Variants in SDK1 observed in about 807,000 individuals in gnomAD.
SDK1 encodes the protein protein sidekick-1.
SDK1 carries 157 observed loss-of-function variants against 245.5 expected under a neutral mutation model. That is an observed-to-expected ratio of 0.64 (90% CI 0.56 to 0.73). The LOEUF is 0.73. Ranked by LOEUF, SDK1 falls within the 30% of genes least tolerant of loss-of-function variation. SDK1 has a pLI of 0.00. For synonymous variants in SDK1, 1,647 were observed against 1,278.5 expected, an observed-to-expected ratio of 1.29 and a Z score of -6.15; for missense variants, 3,583 against 3,002.3, an observed-to-expected ratio of 1.19 and a Z score of -4.52.
chr7:3,883,670 C>T (rs1267234073), intron 5 of SDK1, among the ~76,000 whole-genome samples: 2 of 151,522 alleles, frequency 1.3e-5, no homozygotes, highest in East Asian at 1.9e-4. Flanking sequence ...AACCTAGAGT[C>T]GTCCTCTGGA....
chr7:3,952,626 A>T (rs1780926422), intron 7 of SDK1, among the ~76,000 whole-genome samples: 2 of 152,124 alleles, frequency 1.3e-5, no homozygotes, highest in Non-Finnish European at 2.9e-5. Flanking sequence ...ATTAATTATT[A>T]ATTTAGCTGT....
At chr7:3,619,550 G>A (rs1781870499) in intron 2 of SDK1, among the ~76,000 whole-genome samples, 1 of 152,174 alleles carries the variant, frequency 6.6e-6, no homozygotes, top group African/African-American at 2.4e-5. Context: ...TACTTTCCAA[G>A]GGCAACAGCC....
intron 1 of SDK1, among the ~76,000 whole-genome samples, chr7:3,607,200 G>C (rs934038285): frequency 2.0e-5 from 3 of 151,696 alleles, no homozygotes; most frequent in African/African-American, 7.3e-5. Flanking sequence ...TGCTGCTGCT[G>C]ATCATTTCCT....
In SDK1 at chr7:3,901,491, A is replaced by AC. The variant is rs1413241711; in HGVS notation, c.848-49428dup. ...ATGAGCCAAGTTAACTATCGTAATGACCCCATGTCCTTGTCAGTGCACCAC... is the reference window on the plus strand; with the variant it reads ...ATGAGCCAAGTTAACTATCGTAATGACCCCCATGTCCTTGTCAGTGCACCAC... On this transcript the variant is annotated intron_variant, in intron 5 of 44. Coordinates refer to ENST00000404826, the MANE Select transcript of SDK1 (RefSeq NM_152744.4). Among the ~76,000 whole-genome samples the AC allele has an allele frequency of 2.6e-5, 4 of 151,948 alleles. No homozygotes were observed. The East Asian group carries it at 7.7e-4, about 29-fold the overall frequency.
chr7:3,930,449 C>A (rs1202461421), intron 5 of SDK1, among the ~76,000 whole-genome samples: 1 of 152,168 alleles, frequency 6.6e-6, no homozygotes, highest in African/African-American at 2.4e-5. Context: ...GAAGCACTGA[C>A]ATGGAAGAGG....
At chr7:3,964,755 A>C (rs894198568) in intron 9 of SDK1, among the ~76,000 whole-genome samples, 1 of 152,122 alleles carries the variant, frequency 6.6e-6, no homozygotes, top group African/African-American at 2.4e-5. Flanking sequence ...TGTTGGAGAG[A>C]GCAAATCAGT....
rs1277698192 is a variant in SDK1, at chr7:3,967,319, T to G, written c.1431T>G (p.Asn477Lys). 1.9e-6 allele frequency: 3 copies of G among 1,611,642 alleles called. No homozygotes were observed. Among genetic ancestry groups the G allele is most frequent in the Non-Finnish European group, 2.5e-6 (3 of 1,177,676 alleles). Residue 477 changes from asparagine to lysine, a missense_variant and splice_region_variant, in exon 10 of 45, where the codon AAT becomes AAG. Asn to Lys is a moderately conservative substitution (Grantham distance 94). Transcript: ENST00000404826. ...IQTHTYLDVT[N>K]IAPVFTQRPV... ...CATTTCATTTACTCCTCTTCTCAGA[T>G]ATCGCTCCAGTGTTCACCCAGCGGC...
At chr7:4,060,764 T>C (rs890301009) in intron 19 of SDK1, among the ~76,000 whole-genome samples, 2 of 152,246 alleles carry the variant, frequency 1.3e-5, no homozygotes, top group African/African-American at 2.4e-5. Context: ...CTAGGGTTTT[T>C]ATGGTTTTAG....
intron 1 of SDK1, among the ~76,000 whole-genome samples, chr7:3,575,052 T>G (rs940919422): frequency 1.3e-5 from 2 of 151,970 alleles, no homozygotes; most frequent in East Asian, 1.9e-4. Context: ...GAATGCCTCC[T>G]TTGCCTCTTA....
intron 1 of SDK1, among the ~76,000 whole-genome samples, chr7:3,513,642 A>C (rs1229851997): frequency 6.6e-6 from 1 of 152,192 alleles, no homozygotes; most frequent in African/African-American, 2.4e-5. Flanking sequence ...AATAATTTCA[A>C]CTTTTATTTT....
At chr7:4,176,486 G>T (rs1782220695) in intron 34 of SDK1, among the ~76,000 whole-genome samples, 1 of 152,062 alleles carries the variant, frequency 6.6e-6, no homozygotes, top group Admixed American at 6.5e-5. Flanking sequence ...TTTTATTGTG[G>T]TAAAATACAT....
At chr7:3,859,008 G>A (rs1158840383) in intron 5 of SDK1, among the ~76,000 whole-genome samples, 6 of 150,610 alleles carry the variant, frequency 4.0e-5, no homozygotes, top group Non-Finnish European at 7.4e-5. Flanking sequence ...GACCACAGGC[G>A]CCCGCCACCA....
chr7:4,044,096 A>AT (rs1788840353), intron 17 of SDK1, among the ~76,000 whole-genome samples: 1 of 152,124 alleles, frequency 6.6e-6, no homozygotes, highest in African/African-American at 2.4e-5. Context: ...ATATGTCATG[A>AT]TTTTGCGGGT....
intron 2 of SDK1, among the ~76,000 whole-genome samples, chr7:3,628,290 A>G (rs541363688): frequency 1.3e-5 from 2 of 152,198 alleles, no homozygotes; most frequent in Admixed American, 1.3e-4. Context: ...CTTTCTTTCA[A>G]GATAGAATCT....
intron 1 of SDK1, among the ~76,000 whole-genome samples, chr7:3,319,291 T>G (rs528793515): frequency 1.3e-5 from 2 of 152,258 alleles, no homozygotes; most frequent in South Asian, 4.1e-4. Context: ...ATGGCTCTCA[T>G]TTGACACAAG....
intron 1 of SDK1, among the ~76,000 whole-genome samples, chr7:3,507,028 C>T (rs1782416101): frequency 6.6e-6 from 1 of 152,086 alleles, no homozygotes; most frequent in African/African-American, 2.4e-5. Flanking sequence ...TTAGTCTCTT[C>T]AAGCCGGGGT....
intron 1 of SDK1, among the ~76,000 whole-genome samples, chr7:3,535,039 C>T (rs1008658223): frequency 2.6e-5 from 4 of 152,070 alleles, no homozygotes; most frequent in African/African-American, 9.7e-5. Context: ...TTTGGGAGGC[C>T]AAGGTGGGCG....
At chr7:3,956,780 C>T (rs931206652) in intron 7 of SDK1, among the ~76,000 whole-genome samples, 2 of 152,190 alleles carry the variant, frequency 1.3e-5, no homozygotes, top group Non-Finnish European at 2.9e-5. Context: ...GAGGTCACCA[C>T]TTGGAGAGGA....
At chr7:3,942,657 G>A (rs761950198) in intron 5 of SDK1, among the ~76,000 whole-genome samples, 29 of 152,166 alleles carry the variant, frequency 1.9e-4, no homozygotes, top group Admixed American at 3.3e-4. Context: ...GGAAGATACT[G>A]AGTTTTCAGA....
Sources: allele counts gnomAD v4.1 joint callset (sites outside exome capture counted in the v4.1 genomes callset), GRCh38; gene constraint gnomAD v4.1.1; transcripts MANE v1.5; gene names NCBI Gene and HGNC (gene_info 2026-07-23, HGNC 2026-07-21).